Variants in VPS13C observed in about 807,000 individuals in gnomAD.
The protein encoded by VPS13C is vacuolar protein sorting 13 homolog C, also known as intermembrane lipid transfer protein VPS13C.
Under a neutral mutation model 456.8 loss-of-function variants are expected in VPS13C, and 358 were observed. The ratio of observed to expected loss-of-function variants is 0.78; its 90% CI spans 0.72 to 0.86. The LOEUF (loss-of-function observed/expected upper bound fraction) is 0.86. Ranked by LOEUF, VPS13C falls within the 40% of genes least tolerant of loss-of-function variation. The pLI is 0.00. For synonymous variants in VPS13C, 1,578 were observed against 1,486.7 expected, an observed-to-expected ratio of 1.06 and a Z score of -1.41; for missense variants, 4,818 against 4,385.4, an observed-to-expected ratio of 1.10 and a Z score of -2.79.
intron 16 of VPS13C, among the ~76,000 whole-genome samples, chr15:61,994,644 C>T (rs2046324974): frequency 6.6e-6 from 1 of 151,096 alleles, no homozygotes; most frequent in Non-Finnish European, 1.5e-5. Flanking sequence ...GGCTGGAGTG[C>T]AATGGCATGG....
chr15:61,862,227 A>T (rs574891870), intron 82 of VPS13C, among the ~76,000 whole-genome samples: 1 of 152,314 alleles, frequency 6.6e-6, no homozygotes, highest in South Asian at 2.1e-4. Flanking sequence ...TCTACTAAGT[A>T]AGGTTAGCAA....
chr15:61,897,628 G>A (rs2042868034), intron 66 of VPS13C, among the ~76,000 whole-genome samples: 1 of 152,106 alleles, frequency 6.6e-6, no homozygotes, highest in Non-Finnish European at 1.5e-5. Context: ...ACGTCTGATT[G>A]GTGTACCTGA....
intron 9 of VPS13C, among the ~76,000 whole-genome samples, chr15:62,015,245 C>T (rs1167186132): frequency 6.6e-6 from 1 of 152,118 alleles, no homozygotes; most frequent in African/African-American, 2.4e-5. Context: ...TCGAAAGCTA[C>T]CTCAAATTCA....
intron 30 of VPS13C, among the ~76,000 whole-genome samples, chr15:61,965,557 T>C (rs1225979006): frequency 6.6e-6 from 1 of 151,898 alleles, no homozygotes; most frequent in Non-Finnish European, 1.5e-5. Context: ...TAAATGGATA[T>C]AAAAACAATA....
intron 1 of VPS13C, among the ~76,000 whole-genome samples, chr15:62,046,489 C>G (rs772005299): frequency 3.9e-5 from 6 of 152,192 alleles, no homozygotes; most frequent in African/African-American, 7.2e-5. Context: ...GAAGTCTATT[C>G]TAGCCTACAG....
intron 16 of VPS13C, among the ~76,000 whole-genome samples, chr15:61,997,683 C>A (rs2046435560): frequency 6.6e-6 from 1 of 152,168 alleles, no homozygotes; most frequent in African/African-American, 2.4e-5. Flanking sequence ...CTACAACTCA[C>A]ATCTAGTCAG....
intron 59 of VPS13C, among the ~76,000 whole-genome samples, 165 bp from the exon 60 acceptor site, chr15:61,917,800 C>G (rs567880731): frequency 1.3e-5 from 2 of 151,854 alleles, no homozygotes; most frequent in Non-Finnish European, 2.9e-5. Flanking sequence ...GGAAATTCAC[C>G]CAAAATCACA....
chr15:61,916,470 C>T (rs1013693608), intron 60 of VPS13C, among the ~76,000 whole-genome samples: 2 of 152,008 alleles, frequency 1.3e-5, no homozygotes, highest in African/African-American at 2.4e-5. Flanking sequence ...GTTACTCTGA[C>T]GAGTTATCTA....
chr15:61,867,388 A>G lies in VPS13C; in HGVS notation c.10863+1271T>C. 1 of 985,540 alleles carries G rather than the reference A, an allele frequency of 1.0e-6. No individual in the cohort carries two copies. The highest frequency in any genetic ancestry group is 5.2e-4 in the Middle Eastern group (1 of 1,916). 61.0% of individuals were successfully genotyped at this position (985,540 alleles called of 1,614,324 possible). A position where few individuals can be genotyped will look rare whatever the true frequency, so the allele number is the denominator to read the frequency against. On this transcript the variant is annotated intron_variant, in intron 81 of 84. Coordinates refer to ENST00000644861, the MANE Select transcript of VPS13C (RefSeq NM_020821.3). This position sits in a 1 kb window ranked among gnomAD's most constrained non-coding sequence, Gnocchi z 5.0. ...CTCAAAATTCATGTGCCAACTATTT[A>G]TTACTTGAGGTCTAAGGGCAGGCTC...
At chr15:61,873,080 A>T (rs968071619) in intron 78 of VPS13C, among the ~76,000 whole-genome samples, 166 bp downstream of exon 78, 5 of 151,992 alleles carry the variant, frequency 3.3e-5, no homozygotes, top group African/African-American at 1.2e-4. Flanking sequence ...TCTGGTGGTG[A>T]CAATGGGGAA....
intron 16 of VPS13C, among the ~76,000 whole-genome samples, chr15:61,998,901 T>C (rs544644284): frequency 1.3e-5 from 2 of 152,378 alleles, no homozygotes; most frequent in East Asian, 3.9e-4. Context: ...ACTTACTGAA[T>C]AGTAAATATA....
chr15:61,920,415 G>A, intron 56 of VPS13C, 83 bp downstream of exon 56: 1 of 1,482,506 alleles, frequency 6.7e-7, no homozygotes, highest in Non-Finnish European at 9.0e-7. Flanking sequence ...CACATTTTTT[G>A]GAAACTAATT....
At position 61,907,298 on chromosome 15, in the gene VPS13C, TATGTCC is replaced by T. The variant is rs762316510; in HGVS notation, c.9065_9070del (p.Trp3022_Thr3023del). 3 of 1,613,878 alleles carry T rather than the reference TATGTCC, an allele frequency of 1.9e-6. No individual in the cohort carries two copies. Among genetic ancestry groups the T allele is most frequent in the Non-Finnish European group, 2.5e-6 (3 of 1,179,862 alleles). On this transcript the variant is annotated inframe_deletion, in exon 66 of 85. Coordinates refer to ENST00000644861, the MANE Select transcript of VPS13C (RefSeq NM_020821.3). ...ATCATGTTCCCCAACATTTGCTGCA[TATGTCC>T]ATGTAAGTTTTCTGGTACCAGTAGG...
intron 19 of VPS13C, 87 bp downstream of exon 19, chr15:61,984,770 T>C: frequency 1.4e-5 from 18 of 1,312,250 alleles, no homozygotes; most frequent in Non-Finnish European, 1.9e-5. Flanking sequence ...GAGCTGGCAC[T>C]AATCATTTTT....
intron 1 of VPS13C, among the ~76,000 whole-genome samples, chr15:62,056,629 G>A (rs1181579248): frequency 1.3e-5 from 2 of 152,114 alleles, no homozygotes; most frequent in Non-Finnish European, 2.9e-5. Flanking sequence ...CTCTTGTGGA[G>A]GGCCTGACAT....
At chr15:62,036,848 G>A (rs564022661) in intron 3 of VPS13C, among the ~76,000 whole-genome samples, 6 of 151,284 alleles carry the variant, frequency 4.0e-5, no homozygotes, top group South Asian at 2.1e-4. Flanking sequence ...TTAAGAAAAC[G>A]GGTAACTCAA....
chr15:61,989,153 G>A (rs2046147556), intron 18 of VPS13C, among the ~76,000 whole-genome samples: 1 of 151,974 alleles, frequency 6.6e-6, no homozygotes, highest in African/African-American at 2.4e-5. Flanking sequence ...CACTTTGGGA[G>A]GCCAAGGCAA....
At chr15:61,987,336 T>A (rs1363548326) in intron 18 of VPS13C, among the ~76,000 whole-genome samples, 1 of 152,138 alleles carries the variant, frequency 6.6e-6, no homozygotes, top group African/African-American at 2.4e-5. Flanking sequence ...GGATAATTTA[T>A]CAAAGTAAGA....
chr15:61,925,909 G>A (rs766625835), intron 52 of VPS13C, among the ~76,000 whole-genome samples: 6 of 152,160 alleles, frequency 3.9e-5, no homozygotes, highest in Non-Finnish European at 7.3e-5. Flanking sequence ...TAAAGACTGT[G>A]GTAAGGTAGG....
Sources: gnomAD v4.1 joint callset for allele counts (sites outside exome capture counted in the v4.1 genomes callset) on GRCh38, gnomAD v4.1.1 for gene constraint, Gnocchi (gnomAD v3.1) non-coding constraint, MANE v1.5 for transcripts, NCBI Gene and HGNC (gene_info 2026-07-23, HGNC 2026-07-21) for gene names.